Variants in CMTR1 observed in about 807,000 individuals in gnomAD.
CMTR1 encodes cap methyltransferase 1, also known as cap-specific mRNA (nucleoside-2'-O-)-methyltransferase 1.
Under a neutral mutation model 107.0 loss-of-function variants are expected in CMTR1, and 39 were observed. The ratio of observed to expected loss-of-function variants is 0.36; its 90% confidence interval spans 0.28 to 0.48. The LOEUF is 0.48. Among genes scored for constraint, CMTR1 ranks in the 20% least tolerant of loss-of-function variants. The probability of loss-of-function intolerance (pLI) is 0.99; values close to 1 mark genes in which losing one functional copy is unlikely to be tolerated. For synonymous variants in CMTR1, 366 were observed against 379.5 expected (o/e 0.96, Z 0.41); for missense variants, 672 against 1,064.9 (o/e 0.63, Z 5.14).
intron 13 of CMTR1, among the ~76,000 whole-genome samples, chr6:37,465,033 C>G (rs1442230870): frequency 6.6e-6 from 1 of 150,596 alleles, no homozygotes; most frequent in Non-Finnish European, 1.5e-5. Flanking sequence ...CTTTGGGAGG[C>G]CAAGGCGGGT....
chr6:37,448,059 A>T (rs1174591102), intron 4 of CMTR1, among the ~76,000 whole-genome samples: 1 of 151,554 alleles, frequency 6.6e-6, no homozygotes, highest in African/African-American at 2.4e-5. Context: ...AAAATACAAA[A>T]AATTAGCCGG....
intron 8 of CMTR1, 41 bp downstream of exon 8, chr6:37,453,353 G>T (rs373562693): frequency 1.0e-4 from 165 of 1,574,644 alleles, no homozygotes; most frequent in Non-Finnish European, 1.3e-4. Flanking sequence ...GGTGCTAAGA[G>T]GGCTTAAGTT....
intron 18 of CMTR1, 112 bp from the exon 19 acceptor site, chr6:37,475,209 C>A: frequency 1.2e-6 from 1 of 816,364 alleles, no homozygotes. Flanking sequence ...GCATTTAGAG[C>A]CCTACCCTTC....
Position 37,444,433 on chromosome 6 carries a change from A to G in CMTR1, c.285+283A>G, listed in dbSNP as rs543864610. 2.0e-5 allele frequency among the ~76,000 whole-genome samples: 3 copies of G among 152,278 alleles called. 1 individual carries two copies. The highest frequency in any genetic ancestry group is 7.2e-5 in the African/African-American group (3 of 41,554). On this transcript the variant is annotated intron_variant, in intron 3 of 23. Coordinates refer to ENST00000373451, the MANE Select transcript of CMTR1 (RefSeq NM_015050.3). Reference sequence around the variant, plus strand: ...ATTCTTATTACTAACATGTGTGACTATACTTCCCTAAACATGGATGTCTGT... The same window carrying G: ...ATTCTTATTACTAACATGTGTGACTGTACTTCCCTAAACATGGATGTCTGT...
At chr6:37,470,303 C>G (rs542476291) in intron 13 of CMTR1, among the ~76,000 whole-genome samples, 137 of 152,166 alleles carry the variant, frequency 9.0e-4, no homozygotes, top group African/African-American at 3.1e-3. Context: ...CCCGCCACCA[C>G]GCCCGGCTGA....
At chr6:37,457,426 C>T (rs79404893) in intron 8 of CMTR1, among the ~76,000 whole-genome samples, 2,342 of 152,130 alleles carry the variant, frequency 0.015, 55 homozygotes, top group African/African-American at 0.053. Flanking sequence ...TGCCCCAACC[C>T]CACACCCAGC....
At chr6:37,474,696 G>A in intron 18 of CMTR1, 50 bp downstream of exon 18, 11 of 1,603,986 alleles carry the variant, frequency 6.9e-6, no homozygotes, top group Non-Finnish European at 9.4e-6. Context: ...GGGGACTAGG[G>A]GGCTGCTGAA....
chr6:37,424,453 T>C, the CMTR1 span, among the ~76,000 whole-genome samples: 4 of 151,936 alleles, frequency 2.6e-5, no homozygotes, highest in African/African-American at 9.7e-5. Context: ...TTCGCCGTGT[T>C]AGCCAGGATG....
chr6:37,447,691 T>A (rs962110211), intron 4 of CMTR1, among the ~76,000 whole-genome samples: 5 of 150,832 alleles, frequency 3.3e-5, no homozygotes, highest in African/African-American at 1.2e-4. Flanking sequence ...CGAAACCCCA[T>A]CTCTGCTAAA....
At chr6:37,469,834 A>C (rs1761586882) in intron 13 of CMTR1, among the ~76,000 whole-genome samples, 1 of 149,180 alleles carries the variant, frequency 6.7e-6, no homozygotes, top group African/African-American at 2.5e-5. Flanking sequence ...GGCCTAATAT[A>C]TTGTTTTATT....
At chr6:37,455,491 C>T (rs1215031561) in intron 8 of CMTR1, among the ~76,000 whole-genome samples, 3 of 152,142 alleles carry the variant, frequency 2.0e-5, no homozygotes, top group African/African-American at 7.2e-5. Flanking sequence ...AGACAAAGGA[C>T]GGAGGGAAAT....
intron 10 of CMTR1, among the ~76,000 whole-genome samples, chr6:37,460,040 G>T (rs6904458): frequency 6.6e-6 from 1 of 152,096 alleles, no homozygotes; most frequent in African/African-American, 2.4e-5. Flanking sequence ...TAAAGTGAAT[G>T]TTCAAGAGGC....
chr6:37,479,282 C>A, intron 23 of CMTR1, 27 bp downstream of exon 23: 1 of 1,495,524 alleles, frequency 6.7e-7, no homozygotes, highest in Non-Finnish European at 9.3e-7. Flanking sequence ...CAAGCCTGCC[C>A]TCCTTAGCAG....
intron 23 of CMTR1, 37 bp from the exon 24 acceptor site, chr6:37,479,976 G>A (rs1226552861): frequency 4.6e-6 from 7 of 1,507,626 alleles, no homozygotes; most frequent in African/African-American, 1.4e-5. Flanking sequence ...CCATCTGGGT[G>A]CAGTCCTGAC....
chr6:37,455,544 A>G (rs1394102415), intron 8 of CMTR1, among the ~76,000 whole-genome samples: 1 of 152,192 alleles, frequency 6.6e-6, no homozygotes, highest in Non-Finnish European at 1.5e-5. Context: ...AAACTGTTAC[A>G]TTATGTCAGG....
chr6:37,457,799 G>T (rs1213010146), intron 8 of CMTR1, among the ~76,000 whole-genome samples: 1 of 152,176 alleles, frequency 6.6e-6, no homozygotes, highest in Non-Finnish European at 1.5e-5. Context: ...TCCTGTGGCT[G>T]GGAGAGGGTG....
At chr6:37,475,500 C>A in intron 19 of CMTR1, 88 bp downstream of exon 19, 1 of 1,060,412 alleles carries the variant, frequency 9.4e-7, no homozygotes, top group Non-Finnish European at 1.4e-6. Flanking sequence ...GGCCCCTTAT[C>A]TAGGCCTTCT....
chr6:37,479,371 G>A, intron 23 of CMTR1, 116 bp downstream of exon 23: 1 of 757,974 alleles, frequency 1.3e-6, no homozygotes, highest in Non-Finnish European at 2.3e-6. Context: ...CCATGCAGGG[G>A]TTCCCCTGAG....
In CMTR1 at chr6:37,468,757, C is replaced by T. The variant is rs188802301; in HGVS notation, c.1506-2264C>T. On this transcript the variant is annotated intron_variant, in intron 13 of 23. Transcript: ENST00000373451. ...AATTAGCCCGGCATGATGGCGGGTACCTGTAATCCCAGCTACTCGGGAGGC... is the reference window on the plus strand; with the variant it reads ...AATTAGCCCGGCATGATGGCGGGTATCTGTAATCCCAGCTACTCGGGAGGC... 1.6e-3 allele frequency among the ~76,000 whole-genome samples: 251 copies of T among 152,168 alleles called. 1 individual carries two copies. Among genetic ancestry groups the T allele is most frequent in the African/African-American group, 5.8e-3 (239 of 41,506 alleles).
Sources: allele counts gnomAD v4.1 joint callset (sites outside exome capture counted in the v4.1 genomes callset), GRCh38; gene constraint gnomAD v4.1.1; transcripts MANE v1.5; gene names NCBI Gene and HGNC (gene_info 2026-07-23, HGNC 2026-07-21).